The following C2CD3 variants were observed in gnomAD, a reference collection of about 807,000 sequenced individuals.
C2CD3 encodes the protein C2 domain containing 3 centriole elongation regulator.
A neutral mutation model predicts 234.0 loss-of-function variants in C2CD3; 148 were observed. The ratio of observed to expected loss-of-function variants is 0.63; its 90% CI spans 0.55 to 0.72. C2CD3 has a LOEUF of 0.72. Ranked by LOEUF, C2CD3 falls within the 30% of genes least tolerant of loss-of-function variation. The pLI is 0.00. For missense variants in C2CD3, 2,577 were observed against 2,811.5 expected (o/e 0.92, Z 1.89); for synonymous variants, 1,000 against 1,035.4 (o/e 0.97, Z 0.66).
At chr11:74,109,643 T>A (rs1206778471) in intron 11 of C2CD3, among the ~76,000 whole-genome samples, 1 of 152,172 alleles carries the variant, frequency 6.6e-6, no homozygotes, top group Non-Finnish European at 1.5e-5. Flanking sequence ...TGATGTTAGC[T>A]AGTAGTGTCA....
chr11:74,121,608 CAAAAAAAA>C (rs369249513), intron 8 of C2CD3, among the ~76,000 whole-genome samples: 1 of 62,184 alleles, frequency 1.6e-5, no homozygotes, highest in Non-Finnish European at 3.8e-5. Flanking sequence ...GACTCCGTCT[CAAAAAAAA>C]AAAAAAAAAA....
Position 74,055,349 on chromosome 11 carries a change from T to A in C2CD3, c.5091-678A>T, listed in dbSNP as rs527703825. On this transcript the variant is annotated intron_variant, in intron 25 of 32. Coordinates refer to ENST00000334126, the MANE Select transcript of C2CD3 (RefSeq NM_001286577.2). ...ACCAGATAAAGAAGCTGAAGTGGAA[T>A]CCACTGAACACCTCCAATACATTTA... Among the ~76,000 whole-genome samples the A allele has an allele frequency of 1.2e-4, 19 of 152,082 alleles. No homozygotes were observed. In the South Asian group the frequency reaches 3.7e-3, roughly 30 times the overall value.
chr11:74,070,550 C>T (rs1205590150), intron 24 of C2CD3: 1 of 152,212 alleles, frequency 6.6e-6, no homozygotes, highest in African/African-American at 2.4e-5. Flanking sequence ...TGCCACCTTG[C>T]TTGTTTAGGC....
rs1565204885 is a variant in C2CD3 at position 74,025,781 on chromosome 11, C to G, written c.6921+2506G>C. ...CCTCTAGGGTAATTCTCACCATCAT[C>G]CTATTAGGTATGAATTATTAGCCTG... On this transcript the variant is annotated intron_variant, in intron 32 of 32. Transcript: ENST00000334126. 6.6e-5 allele frequency among the ~76,000 whole-genome samples: 10 copies of G among 152,068 alleles called. No individual in the cohort carries two copies. The South Asian group carries it at 2.1e-3, about 32-fold the overall frequency.
At chr11:74,119,117 T>C (rs1161248125) in intron 8 of C2CD3, among the ~76,000 whole-genome samples, 1 of 152,054 alleles carries the variant, frequency 6.6e-6, no homozygotes, top group East Asian at 1.9e-4. Flanking sequence ...GCCATGTTGC[T>C]CAGGCAGGTC....
intron 24 of C2CD3, among the ~76,000 whole-genome samples, chr11:74,070,341 T>C (rs1954737200): frequency 6.6e-6 from 1 of 152,204 alleles, no homozygotes; most frequent in Non-Finnish European, 1.5e-5. Flanking sequence ...AGCTCCTAAT[T>C]TGGGGCTGTT....
chr11:74,085,708 G>A lies in C2CD3; in HGVS notation c.3820C>T (p.Gln1274Ter), dbSNP rs375065434. The change falls in exon 21 of 33, where the codon CAG becomes TAG. Residue 1274 changes from glutamine to a stop codon, truncating the protein, a stop_gained. Transcript: ENST00000334126. LOFTEE classifies it high-confidence loss of function. ...AAACAGGCCTCTCCACTACAGTGCT[G>A]AGTCACCAAGTTACATGTGAACTCA... Reference protein sequence around the residue: ...HVEFTCNLVTQHCSGEACFLA... With the variant: ...HVEFTCNLVT 2 of 1,613,950 alleles carry A rather than the reference G, an allele frequency of 1.2e-6. No homozygotes were observed. Among genetic ancestry groups the A allele is most frequent in the African/African-American group, 1.3e-5 (1 of 74,896 alleles).
At chr11:74,046,011 T>C (rs1385729711) in intron 28 of C2CD3, among the ~76,000 whole-genome samples, 3 of 152,232 alleles carry the variant, frequency 2.0e-5, no homozygotes, top group African/African-American at 7.2e-5. Context: ...GTTTGGGTCA[T>C]CACTAATTTT....
chr11:74,098,311 G>A (rs751137548), intron 15 of C2CD3, 56 bp from the exon 16 acceptor site: 21 of 1,542,606 alleles, frequency 1.4e-5, no homozygotes, highest in Non-Finnish European at 1.8e-5. Flanking sequence ...ATGTCATAGA[G>A]TTATTTCTTT....
intron 28 of C2CD3, 32 bp downstream of exon 28, chr11:74,048,173 C>T (rs773472871): frequency 1.2e-6 from 2 of 1,605,574 alleles, no homozygotes. Context: ...TTTTTTAACC[C>T]CATTTCTTCT....
chr11:74,023,393 G>C (rs2135404180), intron 32 of C2CD3, among the ~76,000 whole-genome samples: 1 of 152,338 alleles, frequency 6.6e-6, no homozygotes, highest in East Asian at 1.9e-4. Context: ...AGGCAGAAGA[G>C]GTGGAATTCT....
rs536442042 is a variant in C2CD3 at position 74,013,372 on chromosome 11, C to T, written c.*13G>A. ...GGGCAGGTGTCTCCTTCCCCCCAGC[C>T]CCTCAGGCTGCGTCAGTCTTTCTGG... On this transcript the variant is annotated 3_prime_UTR_variant, in exon 33 of 33. Coordinates refer to ENST00000334126, the MANE Select transcript of C2CD3 (RefSeq NM_001286577.2). 1.3e-5 allele frequency: 12 copies of T among 892,184 alleles called. No homozygotes were observed. The African/African-American group carries it at 1.6e-4, about 12-fold the overall frequency. The allele number at this position is 892,184 out of a possible 1,614,324, so 55.3% of individuals were successfully genotyped here.
Position 74,113,946 on chromosome 11 carries a change from C to T in C2CD3, c.1731-54G>A, listed in dbSNP as rs191985056. On this transcript the variant is annotated intron_variant, in intron 10 of 32. Transcript: ENST00000334126. ...CTAACCAAACAATAAACCTAATTTCCGTCTGATAAATCCAACATATATTTG... is the reference window on the plus strand; with the variant it reads ...CTAACCAAACAATAAACCTAATTTCTGTCTGATAAATCCAACATATATTTG... 196 of 1,070,902 alleles carry T rather than the reference C, an allele frequency of 1.8e-4. No individual in the cohort carries two copies. In the Admixed American group the frequency reaches 2.2e-3, roughly 12 times the overall value. The allele number at this position is 1,070,902 out of a possible 1,614,324, so 66.3% of individuals were successfully genotyped here. A position where few individuals can be genotyped will look rare whatever the true frequency, so the allele number is the denominator to read the frequency against.
At chr11:74,113,726 A>C (rs961212507) in intron 11 of C2CD3, 54 bp downstream of exon 11, 1 of 1,120,518 alleles carries the variant, frequency 8.9e-7, no homozygotes, top group Non-Finnish European at 1.4e-6. Flanking sequence ...AGGAATTCAA[A>C]AATTCTTCCA....
At chr11:74,036,595 ATTTCGCTC>A in intron 30 of C2CD3, 1 of 438,346 alleles carries the variant, frequency 2.3e-6, no homozygotes. Context: ...GAATCTACAC[ATTTCGCTC>A]AAGCAAAAAC....
At chr11:74,096,314 T>C (rs540370945) in intron 16 of C2CD3, among the ~76,000 whole-genome samples, 1 of 152,310 alleles carries the variant, frequency 6.6e-6, no homozygotes, top group Admixed American at 6.5e-5. Context: ...GTTGAGACTA[T>C]ATGATATACA....
Position 74,013,292 on chromosome 11 carries a change from CCTGA to C in C2CD3, c.*89_*92del. ...GTGGTGGTTTCAGGACTGTGACAGC[CCTGA>C]AGGAGCCAGACCTGGTGCCTCCTGC... On this transcript the variant is annotated 3_prime_UTR_variant, in exon 33 of 33. Coordinates refer to ENST00000334126, the MANE Select transcript of C2CD3 (RefSeq NM_001286577.2). The C allele has an allele frequency of 1.3e-5, 6 of 449,364 alleles. No homozygotes were observed. Among genetic ancestry groups the C allele is most frequent in the Non-Finnish European group, 2.3e-5 (6 of 255,334 alleles). The allele number at this position is 449,364 out of a possible 1,614,324, so 27.8% of individuals were successfully genotyped here.
At chr11:74,015,036 C>A (rs1951830274) in intron 32 of C2CD3, among the ~76,000 whole-genome samples, 1 of 152,226 alleles carries the variant, frequency 6.6e-6, no homozygotes, top group African/African-American at 2.4e-5. Context: ...CCACTTTTTG[C>A]TGGTGTTTGC....
intron 5 of C2CD3, among the ~76,000 whole-genome samples, chr11:74,136,498 G>C (rs1477961072): frequency 2.0e-5 from 3 of 152,196 alleles, no homozygotes; most frequent in Non-Finnish European, 4.4e-5. Flanking sequence ...CTTAAAGTCT[G>C]AGACAGTAAT....
Sources: allele counts gnomAD v4.1 joint callset (sites outside exome capture counted in the v4.1 genomes callset), GRCh38; gene constraint gnomAD v4.1.1; transcripts MANE v1.5; gene names NCBI Gene and HGNC (gene_info 2026-07-23, HGNC 2026-07-21).